GABRR3: variants seen among roughly 807,000 people sequenced by gnomAD.
GABRR3 encodes gamma-aminobutyric acid type A receptor subunit rho3.
In GABRR3, 29 loss-of-function variants were observed where a neutral mutation model predicts 43.2. The observed-to-expected ratio is 0.67, with a 90% CI of 0.50 to 0.92. The LOEUF (loss-of-function observed/expected upper bound fraction) is 0.92, where lower values mean the gene tolerates loss of function less well. Ranked by LOEUF, GABRR3 falls within the 40% of genes least tolerant of loss-of-function variation. The probability of loss-of-function intolerance (pLI) is 0.00; values close to 1 mark genes in which losing one functional copy is unlikely to be tolerated. For synonymous variants in GABRR3, 206 were observed against 195.9 expected (o/e 1.05, Z -0.43); for missense variants, 576 against 572.3 (o/e 1.01, Z -0.07).
chr3:98,016,601 A>C (rs1434462174), intron 4 of GABRR3, among the ~76,000 whole-genome samples: 1 of 152,214 alleles, frequency 6.6e-6, no homozygotes. Flanking sequence ...ACAGGTGCTG[A>C]AAATTTGAAG....
At chr3:97,991,191 C>T (rs911299850) in intron 9 of GABRR3, among the ~76,000 whole-genome samples, 2 of 152,144 alleles carry the variant, frequency 1.3e-5, no homozygotes, top group African/African-American at 4.8e-5. Context: ...AGCCACTCCT[C>T]GTATAAAAAC....
chr3:98,015,962 G>A (rs1475281918), intron 4 of GABRR3, among the ~76,000 whole-genome samples: 1 of 152,116 alleles, frequency 6.6e-6, no homozygotes, highest in African/African-American at 2.4e-5. Flanking sequence ...GCATGGCTGG[G>A]GAGGCCTCAC....
chr3:98,028,680 G>A (rs1219926032), intron 2 of GABRR3, among the ~76,000 whole-genome samples: 1 of 152,092 alleles, frequency 6.6e-6, no homozygotes, highest in Non-Finnish European at 1.5e-5. Context: ...CACTGCAGGT[G>A]GTGAGTAGAT....
At chr3:97,991,186 C>T (rs762484996) in intron 9 of GABRR3, among the ~76,000 whole-genome samples, 5 of 152,162 alleles carry the variant, frequency 3.3e-5, no homozygotes, top group Non-Finnish European at 5.9e-5. Context: ...GTGTTAGCCA[C>T]TCCTCGTATA....
At chr3:97,988,287 A>T (rs561036779) in intron 9 of GABRR3, among the ~76,000 whole-genome samples, 105 of 152,096 alleles carry the variant, frequency 6.9e-4, no homozygotes, top group African/African-American at 2.3e-3. Flanking sequence ...TATGTTGCTG[A>T]AGCTGGTCTT....
intron 3 of GABRR3, among the ~76,000 whole-genome samples, chr3:98,024,361 C>T (rs556823771): frequency 4.2e-5 from 5 of 118,324 alleles, no homozygotes; most frequent in Admixed American, 1.9e-4. Flanking sequence ...AGTGAGACTC[C>T]GTCTCAAAAA....
chr3:97,989,151 A>T (rs898233408), intron 9 of GABRR3, among the ~76,000 whole-genome samples: 3 of 140,008 alleles, frequency 2.1e-5, no homozygotes, highest in Admixed American at 7.1e-5. Context: ...TGATAGTAGG[A>T]TGTAGTGGTG....
At chr3:97,993,019 T>C (rs772780901) in exon 9 of GABRR3, 20 of 1,611,686 alleles carry the variant, frequency 1.2e-5, no homozygotes, top group Admixed American at 3.3e-5. Flanking sequence ...GCAGTGATGA[T>C]TGTGGACATG....
chr3:97,990,430 C>A (rs963674841), intron 9 of GABRR3, among the ~76,000 whole-genome samples: 8 of 151,984 alleles, frequency 5.3e-5, no homozygotes, highest in Non-Finnish European at 1.0e-4. Flanking sequence ...CTCACTGCAA[C>A]CTCGGCCTCC....
downstream of GABRR3, among the ~76,000 whole-genome samples, chr3:97,985,859 ATT>A (rs56136655): frequency 0.95 from 142,213 of 149,688 alleles, 67,852 homozygotes; most frequent in Non-Finnish European, 1. Flanking sequence ...ATATATATAT[ATT>A]TTTTTTTATT....
chr3:97,989,125 G>C (rs574773251), intron 9 of GABRR3, among the ~76,000 whole-genome samples: 5 of 150,998 alleles, frequency 3.3e-5, no homozygotes, highest in African/African-American at 9.7e-5. Context: ...TGGTGGTGTT[G>C]GATAATGGTG....
At chr3:97,989,261 T>C (rs1367119675) in intron 9 of GABRR3, among the ~76,000 whole-genome samples, 2 of 141,572 alleles carry the variant, frequency 1.4e-5, no homozygotes, top group African/African-American at 5.4e-5. Flanking sequence ...ATGATGGTGT[T>C]GGGTGGTGGG....
intron 8 of GABRR3, chr3:97,998,596 A>C (rs1706591835): frequency 6.6e-6 from 1 of 152,146 alleles, no homozygotes. Context: ...GGCTATCCAC[A>C]ATTATCTGGA....
intron 8 of GABRR3, among the ~76,000 whole-genome samples, chr3:97,996,972 C>T (rs957236886): frequency 1.3e-5 from 2 of 152,164 alleles, no homozygotes; most frequent in African/African-American, 4.8e-5. Flanking sequence ...CAACTACGTA[C>T]TGAATATGAA....
At chr3:98,023,103 G>A (rs1194496144) in intron 3 of GABRR3, among the ~76,000 whole-genome samples, 1 of 152,056 alleles carries the variant, frequency 6.6e-6, no homozygotes, top group East Asian at 1.9e-4. Context: ...CTGAGTTGGG[G>A]CCCGTGCATC....
chr3:98,012,256 G>A, intron 5 of GABRR3, 88 bp downstream of exon 5: 5 of 910,808 alleles, frequency 5.5e-6, no homozygotes, highest in Non-Finnish European at 8.5e-6. Context: ...CAGCAACATT[G>A]TGAGTTTCAT....
exon 10 of GABRR3, chr3:97,986,789 C>T (rs1212598675): frequency 6.2e-7 from 1 of 1,611,042 alleles, no homozygotes; most frequent in Admixed American, 1.7e-5. Context: ...AATGATTCTA[C>T]CAACATGTCC....
intron 9 of GABRR3, among the ~76,000 whole-genome samples, chr3:97,992,005 C>T (rs780622797): frequency 1.3e-5 from 2 of 151,958 alleles, no homozygotes; most frequent in Non-Finnish European, 2.9e-5. Flanking sequence ...AGACTAGAAA[C>T]GAATGACTCT....
intron 7 of GABRR3, among the ~76,000 whole-genome samples, chr3:98,002,244 G>C (rs1706657213): frequency 6.6e-6 from 1 of 152,106 alleles, no homozygotes; most frequent in Admixed American, 6.6e-5. Context: ...GGATTCAAAG[G>C]AGAAAGAAAA....
Sources: allele counts gnomAD v4.1 joint callset (sites outside exome capture counted in the v4.1 genomes callset), GRCh38; gene constraint gnomAD v4.1.1; transcripts MANE v1.5; gene names NCBI Gene and HGNC (gene_info 2026-07-23, HGNC 2026-07-21).